SF1: variants seen among roughly 807,000 people sequenced by gnomAD.
SF1 encodes branch point-binding protein.
In SF1, 7 loss-of-function variants were observed where a neutral mutation model predicts 62.5. The ratio of observed to expected loss-of-function variants is 0.11; its 90% CI spans 0.06 to 0.21. The LOEUF is 0.21. Ranked by LOEUF, SF1 falls within the 10% of genes least tolerant of loss-of-function variation. SF1 has a pLI of 1.00. For synonymous variants in SF1, 394 were observed against 323.6 expected, an observed-to-expected ratio of 1.22 and a Z score of -2.33; for missense variants, 578 against 884.0, an observed-to-expected ratio of 0.65 and a Z score of 4.39.
chr11:64,768,307 CAA>C (rs1396710769), intron 8 of SF1, 21 bp from the exon 9 acceptor site: 21 of 1,606,110 alleles, frequency 1.3e-5, no homozygotes, highest in Non-Finnish European at 1.8e-5. Flanking sequence ...GTGGGGGACA[CAA>C]ACAGAGAAAG....
intron 11 of SF1, 48 bp from the exon 12 acceptor site, chr11:64,767,127 C>G: frequency 6.2e-7 from 1 of 1,612,306 alleles, no homozygotes; most frequent in Non-Finnish European, 8.5e-7. Context: ...AAGGCGGGGA[C>G]TTGGGCCAGA....
chr11:64,777,340 G>C (rs1005021569), intron 1 of SF1, among the ~76,000 whole-genome samples: 2 of 151,424 alleles, frequency 1.3e-5, no homozygotes, highest in Non-Finnish European at 2.9e-5. Flanking sequence ...AGGGGTACAG[G>C]ATCAGAGGGA....
At chr11:64,770,200 G>C in intron 4 of SF1, 56 bp downstream of exon 4, 6 of 1,591,712 alleles carry the variant, frequency 3.8e-6, no homozygotes, top group Non-Finnish European at 5.2e-6. Flanking sequence ...CATCCCAGCA[G>C]GTCACCCATG....
chr11:64,778,468 G>A lies in SF1; in HGVS notation c.-76C>T, dbSNP rs1175660158. 1 of 1,210,326 alleles carries A rather than the reference G, an allele frequency of 8.3e-7. No individual in the cohort carries two copies. Among genetic ancestry groups the A allele is most frequent in the African/African-American group, 1.6e-5 (1 of 63,342 alleles). 75.0% of individuals were successfully genotyped at this position (1,210,326 alleles called of 1,614,324 possible). A position where few individuals can be genotyped will look rare whatever the true frequency, so the allele number is the denominator to read the frequency against. ...CTCCTTCGCAAGCCTCCCGGGGGGA[G>A]GGGACCCGAATGCGCTGCCGGAGCG... is the stretch of plus-strand genomic sequence containing the variant. On this transcript the variant is annotated 5_prime_UTR_variant, in exon 1 of 13. Coordinates refer to ENST00000377390, the MANE Select transcript of SF1 (RefSeq NM_004630.4).
chr11:64,772,252 G>C (rs760978092), intron 3 of SF1: 3 of 983,834 alleles, frequency 3.0e-6, no homozygotes, highest in Non-Finnish European at 3.6e-6. Context: ...GTGACCTGTA[G>C]ACATATTATT....
intron 5 of SF1, 81 bp downstream of exon 5, chr11:64,769,883 C>G (rs958517713): frequency 3.7e-6 from 4 of 1,075,134 alleles, no homozygotes; most frequent in South Asian, 1.4e-5. Context: ...AGTAAGCCAA[C>G]AGTCCCCAAT....
Position 64,771,933 on chromosome 11 carries a change from G to A in SF1, c.236+1497C>T. On this transcript the variant is annotated intron_variant, in intron 3 of 12. Transcript: ENST00000377390. ...CTGAATAGAAGGGAGGAAAAACCCT[G>A]CTCTGGTTTTATTTCTAACATGCTT... is the stretch of plus-strand genomic sequence containing the variant. 8 of 985,328 alleles carry A rather than the reference G, an allele frequency of 8.1e-6. No homozygotes were observed. The South Asian group carries it at 3.3e-4, about 41-fold the overall frequency. The allele number at this position is 985,328 out of a possible 1,614,324, so 61.0% of individuals were successfully genotyped here.
At chr11:64,767,434 G>A in intron 10 of SF1, 137 bp downstream of exon 10, 1 of 1,096,066 alleles carries the variant, frequency 9.1e-7, no homozygotes, top group Non-Finnish European at 1.3e-6. Flanking sequence ...GCTCCTTCCA[G>A]AGCCACAACC....
At position 64,769,047 on chromosome 11, in the gene SF1, T is replaced by C. The variant is rs1937858397; in HGVS notation, c.862A>G (p.Ile288Val). Residue 288 changes from isoleucine to valine, a missense_variant, in exon 8 of 13, where the codon ATT becomes GTT. Transcript: ENST00000377390. ...VCTKCGGAGH[I>V]ASDCKFQRPG... ...CTTTGGAATTTACAGTCTGAAGCAA[T>C]GTGGCCAGCCCCTCCACACTTGGTA... 2 of 1,613,890 alleles carry C rather than the reference T, an allele frequency of 1.2e-6. No homozygotes were observed. The highest frequency in any genetic ancestry group is 2.2e-5 in the East Asian group (1 of 44,884).
intron 3 of SF1, chr11:64,772,366 A>C (rs1302819288): frequency 3.0e-6 from 3 of 983,798 alleles, no homozygotes; most frequent in Non-Finnish European, 3.6e-6. Context: ...ACACAACACA[A>C]CCCTACAACC....
chr11:64,769,651 A>G (rs1565566622), intron 5 of SF1, 42 bp from the exon 6 acceptor site: 1 of 1,562,170 alleles, frequency 6.4e-7, no homozygotes, highest in East Asian at 2.2e-5. Context: ...TGACAAATTC[A>G]CACTCAAGAG....
chr11:64,766,798 G>A lies in SF1; in HGVS notation c.1582+102C>T, dbSNP rs1473712102. Reference sequence around the variant, plus strand: ...GTTTACAACCCCAGCAGAGCCCAGGGGCTCATCCCAAGACACCTGCCTGCT... The same window carrying A: ...GTTTACAACCCCAGCAGAGCCCAGGAGCTCATCCCAAGACACCTGCCTGCT... On this transcript the variant is annotated intron_variant, in intron 12 of 12. Transcript: ENST00000377390. The A allele has an allele frequency of 1.7e-5, 16 of 953,310 alleles. No homozygotes were observed. In the African/African-American group the frequency reaches 2.2e-4, roughly 13 times the overall value. 59.1% of individuals were successfully genotyped at this position (953,310 alleles called of 1,614,324 possible).
rs770572461 is a variant in SF1 at position 64,766,918 on chromosome 11, G to C, written c.1564C>G (p.Pro522Ala). The change falls in exon 12 of 13, where the codon CCC (proline) becomes GCC (alanine). Residue 522 changes from proline (P) to alanine (A), a missense_variant. By Grantham distance (27) the Pro-to-Ala change is conservative. This residue lies in a region of SF1 where 410 missense variants were observed against 452.4 expected (regional missense o/e 0.91). Coordinates refer to ENST00000377390, the MANE Select transcript of SF1 (RefSeq NM_004630.4). ...TACTCACTTTGCTGCCATGGCAAGGGGGTACTGGAAGCCATACTGCTGCTG... is the reference window on the plus strand; with the variant it reads ...TACTCACTTTGCTGCCATGGCAAGGCGGTACTGGAAGCCATACTGCTGCTG... ...PPSSSMASST[P>A]LPWQQNTTTT... is the part of the protein sequence containing the mutation. The C allele has an allele frequency of 6.9e-7, 1 of 1,450,718 alleles. No homozygotes were observed. The highest frequency in any genetic ancestry group is 2.5e-5 in the Admixed American group (1 of 40,390). The allele number at this position is 1,450,718 out of a possible 1,614,324, so 89.9% of individuals were successfully genotyped here. A position where few individuals can be genotyped will look rare whatever the true frequency, so the allele number is the denominator to read the frequency against.
chr11:64,776,915 CAG>C (rs1232285564), intron 1 of SF1, among the ~76,000 whole-genome samples: 12 of 152,298 alleles, frequency 7.9e-5, no homozygotes, highest in Admixed American at 3.9e-4. Context: ...CATATGGCTG[CAG>C]AGAGTGTTAG....
At chr11:64,778,309 G>C (rs1421643780) in intron 1 of SF1, 53 bp downstream of exon 1, 7 of 1,222,068 alleles carry the variant, frequency 5.7e-6, no homozygotes, top group Middle Eastern at 2.9e-4. Flanking sequence ...GGCCCGGCTC[G>C]AAGCCTCCTT....
chr11:64,767,511 C>T, intron 10 of SF1, 60 bp downstream of exon 10: 1 of 1,483,530 alleles, frequency 6.7e-7, no homozygotes, highest in East Asian at 2.3e-5. Flanking sequence ...CAACAGCGAC[C>T]TGACGTAACC....
intron 2 of SF1, among the ~76,000 whole-genome samples, chr11:64,775,458 A>T (rs1939050854): frequency 1.3e-5 from 2 of 152,224 alleles, no homozygotes. Flanking sequence ...CAGGAACAGT[A>T]GGGGAAAGAA....
intron 10 of SF1, 65 bp downstream of exon 10, chr11:64,767,506 G>A (rs2058764154): frequency 2.0e-6 from 3 of 1,469,514 alleles, no homozygotes; most frequent in Non-Finnish European, 1.8e-6. Context: ...CTAGCCAACA[G>A]CGACCTGACG....
intron 2 of SF1, 29 bp downstream of exon 2, chr11:64,776,469 G>A (rs761536440): frequency 2.3e-5 from 36 of 1,566,386 alleles, no homozygotes; most frequent in Non-Finnish European, 3.0e-5. Flanking sequence ...CAATCTCAAA[G>A]TGCATTTGGA....
Sources: gnomAD v4.1 joint callset for allele counts (sites outside exome capture counted in the v4.1 genomes callset) on GRCh38, gnomAD v4.1.1 for gene constraint, gnomAD v4.1.1 regional missense constraint, MANE v1.5 for transcripts, NCBI Gene and HGNC (gene_info 2026-07-23, HGNC 2026-07-21) for gene names.